The following HEATR1 variants were observed in gnomAD, a reference collection of about 807,000 sequenced individuals.
The protein encoded by HEATR1 is HEAT repeat-containing protein 1.
Under a neutral mutation model 248.2 loss-of-function variants are expected in HEATR1, and 77 were observed. That is an observed-to-expected ratio of 0.31 (90% CI 0.26 to 0.37). The LOEUF (loss-of-function observed/expected upper bound fraction) is 0.37, where lower values mean the gene tolerates loss of function less well. HEATR1 is among the 10% of genes least tolerant of loss of function. The pLI, the probability that HEATR1 is intolerant of heterozygous loss-of-function variation, is 1.00. For synonymous variants in HEATR1, 897 were observed against 923.1 expected (o/e 0.97, Z 0.51); for missense variants, 2,420 against 2,504.9 (o/e 0.97, Z 0.72).
intron 37 of HEATR1, among the ~76,000 whole-genome samples, chr1:236,556,945 A>G (rs997666079): frequency 3.3e-5 from 5 of 152,210 alleles, no homozygotes; most frequent in African/African-American, 9.6e-5. Flanking sequence ...GCCAGAATAC[A>G]TTCCGCACAA....
In HEATR1 at chr1:236,593,932, G is replaced by A. The variant is rs201612851; in HGVS notation, c.1193+80C>T. 2.0e-5 allele frequency: 18 copies of A among 922,076 alleles called. No homozygotes were observed. The East Asian group carries it at 4.3e-4, about 22-fold the overall frequency. 57.1% of individuals were successfully genotyped at this position (922,076 alleles called of 1,614,324 possible). A position where few individuals can be genotyped will look rare whatever the true frequency, so the allele number is the denominator to read the frequency against. On this transcript the variant is annotated intron_variant, in intron 9 of 44. Coordinates refer to ENST00000366582, the MANE Select transcript of HEATR1 (RefSeq NM_018072.6). ...AAGATATACATTAAAAAGGAATGCT[G>A]GGAAATTTCTAACCAATCTTGAAAA...
In HEATR1 at chr1:236,592,463, T is replaced by C. The variant is rs891889341; in HGVS notation, c.1304+60A>G. The C allele has an allele frequency of 3.2e-5, 24 of 742,222 alleles. No individual in the cohort carries two copies. In the African/African-American group the frequency reaches 4.0e-4, roughly 13 times the overall value. 46.0% of individuals were successfully genotyped at this position (742,222 alleles called of 1,614,324 possible). A position where few individuals can be genotyped will look rare whatever the true frequency, so the allele number is the denominator to read the frequency against. On this transcript the variant is annotated intron_variant, in intron 10 of 44. Transcript: ENST00000366582. Reference sequence around the variant, plus strand: ...AGTATATTAAGATGTGACTTGTGAATCATATCTTTATAGAACAGGAAGTAC... The same window carrying C: ...AGTATATTAAGATGTGACTTGTGAACCATATCTTTATAGAACAGGAAGTAC...
intron 43 of HEATR1, among the ~76,000 whole-genome samples, chr1:236,553,300 A>G (rs976714584): frequency 6.6e-6 from 1 of 152,258 alleles, no homozygotes; most frequent in Non-Finnish European, 1.5e-5. Flanking sequence ...TTTGTTATTT[A>G]AAAGTATTTA....
chr1:236,596,716 C>T, intron 6 of HEATR1, 120 bp downstream of exon 6: 1 of 969,506 alleles, frequency 1.0e-6, no homozygotes, highest in African/African-American at 1.6e-5. Flanking sequence ...AAGGCTAAAT[C>T]TCAGCTATCA....
In HEATR1 at chr1:236,549,861, T is replaced by G. The variant is rs2103116541; in HGVS notation, c.*1041A>C. ...AAGCTATTAGTATTTATTAATGAAT[T>G]TTACTGAGACATTTCTTAGAAATAT... On this transcript the variant is annotated 3_prime_UTR_variant, in exon 45 of 45. Coordinates refer to ENST00000366582, the MANE Select transcript of HEATR1 (RefSeq NM_018072.6). 1 of 152,322 alleles carries G rather than the reference T, an allele frequency of 6.6e-6. No individual in the cohort carries two copies. The highest frequency in any genetic ancestry group is 1.9e-4 in the East Asian group (1 of 5,190). 9.4% of individuals were successfully genotyped at this position (152,322 alleles called of 1,614,324 possible). A position where few individuals can be genotyped will look rare whatever the true frequency, so the allele number is the denominator to read the frequency against.
chr1:236,563,310 G>A (rs1446614054), intron 32 of HEATR1, among the ~76,000 whole-genome samples: 4 of 151,358 alleles, frequency 2.6e-5, no homozygotes, highest in Non-Finnish European at 4.4e-5. Context: ...ACAGAATCTC[G>A]CTCTGTCACC....
Position 236,549,533 on chromosome 1 carries a change from T to C in HEATR1, c.*1369A>G, listed in dbSNP as rs1662616779. ...AGAATACCATTGTCAATCTTATTTTTTTAAAAGTACTCAGTGTAGAAATCG... is the reference window on the plus strand; with the variant it reads ...AGAATACCATTGTCAATCTTATTTTCTTAAAAGTACTCAGTGTAGAAATCG... On this transcript the variant is annotated 3_prime_UTR_variant, in exon 45 of 45. Coordinates refer to ENST00000366582, the MANE Select transcript of HEATR1 (RefSeq NM_018072.6). 1 of 152,258 alleles carries C rather than the reference T, an allele frequency of 6.6e-6. No homozygotes were observed. Among genetic ancestry groups the C allele is most frequent in the Non-Finnish European group, 1.5e-5 (1 of 68,050 alleles). 9.4% of individuals were successfully genotyped at this position (152,258 alleles called of 1,614,324 possible).
intron 9 of HEATR1, among the ~76,000 whole-genome samples, chr1:236,593,038 T>C (rs1664083391): frequency 1.3e-5 from 2 of 152,020 alleles, no homozygotes. Context: ...CTACTAAATA[T>C]ACAAAATTAG....
Position 236,597,990 on chromosome 1 carries a change from T to A in HEATR1, c.502-11A>T. ...CGGCACTCCAGATTGCTGTTATTGA[T>A]GGAAAGAACAAACTACTAGCAACAT... On this transcript the variant is annotated splice_polypyrimidine_tract_variant and intron_variant, in intron 4 of 44. Coordinates refer to ENST00000366582, the MANE Select transcript of HEATR1 (RefSeq NM_018072.6). 6.3e-7 allele frequency: 1 copy of A among 1,574,946 alleles called. No homozygotes were observed. Among genetic ancestry groups the A allele is most frequent in the Non-Finnish European group, 8.7e-7 (1 of 1,145,560 alleles).
chr1:236,555,160 TA>T, intron 41 of HEATR1, 135 bp downstream of exon 41: 1 of 844,912 alleles, frequency 1.2e-6, no homozygotes, highest in Non-Finnish European at 1.9e-6. Context: ...AACAATGAAG[TA>T]AAAAATTCAC....
chr1:236,568,638 G>T (rs1400456868), intron 29 of HEATR1, among the ~76,000 whole-genome samples: 1 of 152,112 alleles, frequency 6.6e-6, no homozygotes, highest in Non-Finnish European at 1.5e-5. Context: ...TCATCAACAT[G>T]TAAGAAGGTA....
rs11542406 is a variant in HEATR1 at position 236,557,199 on chromosome 1, G to A, written c.5351C>T (p.Ser1784Phe). 5.6e-6 allele frequency: 9 copies of A among 1,613,938 alleles called. No individual in the cohort carries two copies. The highest frequency in any genetic ancestry group is 7.6e-6 in the Non-Finnish European group (9 of 1,179,926). The change falls in exon 37 of 45, where the codon TCC (serine) becomes TTC (phenylalanine). Residue 1784 changes from serine to phenylalanine, a missense_variant. By Grantham distance (155) the Ser-to-Phe change is radical. Coordinates refer to ENST00000366582, the MANE Select transcript of HEATR1 (RefSeq NM_018072.6). ...GTCGTGGCTATCGTGGCTCACCTGGGAGAGAATGCCTTCCAGATAGGGGCT... is the reference window on the plus strand; with the variant it reads ...GTCGTGGCTATCGTGGCTCACCTGGAAGAGAATGCCTTCCAGATAGGGGCT... ...FISPYLEGILSQVIHLEKITS... is the reference protein window; with the variant it reads ...FISPYLEGILFQVIHLEKITS...
chr1:236,551,764 G>A, intron 44 of HEATR1: 1 of 464,446 alleles, frequency 2.2e-6, no homozygotes, highest in East Asian at 3.8e-5. Flanking sequence ...AGATTACACT[G>A]TAAACGGACT....
chr1:236,582,930 T>C (rs1357148319), intron 18 of HEATR1, 58 bp from the exon 19 acceptor site: 2 of 1,606,686 alleles, frequency 1.2e-6, no homozygotes, highest in African/African-American at 2.7e-5. Context: ...GCTGGGAGCT[T>C]TTTATTCAAG....
intron 32 of HEATR1, among the ~76,000 whole-genome samples, chr1:236,562,929 AATATT>A (rs1297720161): frequency 1.3e-5 from 2 of 150,168 alleles, no homozygotes; most frequent in African/African-American, 4.9e-5. Context: ...GAGGAATAAC[AATATT>A]ATATAACAGT....
intron 11 of HEATR1, 132 bp downstream of exon 11, chr1:236,591,861 C>T: frequency 1.9e-6 from 1 of 529,598 alleles, no homozygotes; most frequent in Non-Finnish European, 3.5e-6. Context: ...GGCAACTAGG[C>T]AAACTGTAGA....
At chr1:236,581,534 TGTCTAATCATTTC>T in intron 19 of HEATR1, 120 bp from the exon 20 acceptor site, 3 of 658,902 alleles carry the variant, frequency 4.6e-6, no homozygotes, top group Non-Finnish European at 7.2e-6. Flanking sequence ...AGTTTTGCTT[TGTCTAATCATTTC>T]AAATTATTCC....
chr1:236,559,935 G>T, intron 33 of HEATR1, 98 bp from the exon 34 acceptor site: 2 of 1,263,574 alleles, frequency 1.6e-6, no homozygotes, highest in Non-Finnish European at 2.2e-6. Flanking sequence ...AGAAAGACGA[G>T]TTAAATAATT....
At chr1:236,578,507 A>C (rs1663625333) in intron 20 of HEATR1, among the ~76,000 whole-genome samples, 1 of 152,232 alleles carries the variant, frequency 6.6e-6, no homozygotes, top group Non-Finnish European at 1.5e-5. Flanking sequence ...AATCAGGATT[A>C]CTGATTTTTG....
Sources: allele counts gnomAD v4.1 joint callset (sites outside exome capture counted in the v4.1 genomes callset), GRCh38; gene constraint gnomAD v4.1.1; transcripts MANE v1.5; gene names NCBI Gene and HGNC (gene_info 2026-07-23, HGNC 2026-07-21).